ROR1: variants seen among roughly 807,000 people sequenced by gnomAD.
ROR1 encodes ROR family WNT receptor 1.
In ROR1, 19 loss-of-function variants were observed where a neutral mutation model predicts 78.8. That is an observed-to-expected ratio of 0.24 (90% CI 0.17 to 0.35). ROR1 has a LOEUF of 0.35. Among genes scored for constraint, ROR1 ranks in the 10% least tolerant of loss-of-function variants. ROR1 has a pLI of 1.00. For missense variants in ROR1, 917 were observed against 1,177.8 expected, an observed-to-expected ratio of 0.78 and a Z score of 3.24; for synonymous variants, 386 against 433.6, an observed-to-expected ratio of 0.89 and a Z score of 1.36.
At chr1:64,127,021 C>T (rs752478540) in intron 4 of ROR1, among the ~76,000 whole-genome samples, 1 of 152,076 alleles carries the variant, frequency 6.6e-6, no homozygotes, top group African/African-American at 2.4e-5. Context: ...AACCTAGCAC[C>T]TTTTTTCAAG....
chr1:63,797,564 A>C (rs1644768917), intron 1 of ROR1, among the ~76,000 whole-genome samples: 1 of 152,240 alleles, frequency 6.6e-6, no homozygotes, highest in Non-Finnish European at 1.5e-5. Context: ...GCTCAAGGTC[A>C]AACAATTAGT....
intron 1 of ROR1, among the ~76,000 whole-genome samples, chr1:63,865,624 T>C (rs1302351619): frequency 1.3e-5 from 2 of 152,146 alleles, no homozygotes; most frequent in Non-Finnish European, 2.9e-5. Context: ...AGGTCAGGCA[T>C]GTTTATATGT....
chr1:64,174,042 A>G (rs1231295688), intron 8 of ROR1, among the ~76,000 whole-genome samples: 1 of 152,058 alleles, frequency 6.6e-6, no homozygotes, highest in Non-Finnish European at 1.5e-5. Context: ...AAAGTTAAAC[A>G]CTCTGCAACT....
intron 1 of ROR1, among the ~76,000 whole-genome samples, chr1:64,007,030 G>GA (rs150220538): frequency 0.034 from 4,975 of 147,922 alleles, 249 homozygotes; most frequent in African/African-American, 0.11. Context: ...GAGGTAAGGT[G>GA]AAAAAAAAAA....
chr1:64,178,562 C>T lies in ROR1; in HGVS notation c.2521C>T (p.Pro841Ser). The stretch of plus-strand genomic sequence containing the variant: ...AGCTGCCCACTACCAGCCAACAGGT[C>T]CTCCCAGAGTGATTCAGCACTGCCC... ...FPAAHYQPTG[P>S]PRVIQHCPPP... The change falls in exon 9 of 9, where the codon CCT becomes TCT. Residue 841 changes from proline (P) to serine (S), a missense_variant. By Grantham distance (74) the Pro-to-Ser change is moderately conservative (BLOSUM62 -1). Around this residue, in one of 3 missense-constraint regions of ROR1, gnomAD observed 835 missense variants for 1,069.8 expected, o/e 0.78. Transcript: ENST00000371079. This position sits in a 1 kb window ranked among gnomAD's most constrained non-coding sequence, Gnocchi z 4.3. The T allele has an allele frequency of 1.2e-6, 2 of 1,614,182 alleles. No individual in the cohort carries two copies. Among genetic ancestry groups the T allele is most frequent in the Non-Finnish European group, 1.7e-6 (2 of 1,180,038 alleles).
At chr1:63,952,210 G>A (rs1645945456) in intron 1 of ROR1, among the ~76,000 whole-genome samples, 6 of 152,184 alleles carry the variant, frequency 3.9e-5, no homozygotes. Flanking sequence ...GAGGAGGTGA[G>A]AGAGTGGGCC....
intron 1 of ROR1, among the ~76,000 whole-genome samples, chr1:63,786,240 C>CGCTGG (rs1557495501): frequency 3.4e-5 from 5 of 145,530 alleles, no homozygotes; most frequent in Admixed American, 7.0e-5. Flanking sequence ...TCCCCCCTTA[C>CGCTGG]GCTGGCTACA....
At chr1:63,980,499 G>A (rs1301324325) in intron 1 of ROR1, among the ~76,000 whole-genome samples, 1 of 152,172 alleles carries the variant, frequency 6.6e-6, no homozygotes, top group Non-Finnish European at 1.5e-5. Flanking sequence ...TTCCGAGTTT[G>A]AGGACTTACT....
intron 1 of ROR1, among the ~76,000 whole-genome samples, chr1:63,935,860 G>T (rs11208321): frequency 0.023 from 3,508 of 152,296 alleles, 144 homozygotes; most frequent in African/African-American, 0.08. Context: ...CATATTGCAG[G>T]TAGCATTACA....
At chr1:64,162,913 C>T (rs964990780) in intron 8 of ROR1, among the ~76,000 whole-genome samples, 8 of 151,996 alleles carry the variant, frequency 5.3e-5, no homozygotes, top group African/African-American at 1.7e-4. Context: ...CCAGGTATGA[C>T]TCTGGAAAAC....
rs1217534536 is a variant in ROR1 at position 64,166,179 on chromosome 1, G to A, written c.1386+6987G>A. Reference sequence around the variant, plus strand: ...TTTGTTAAAGATCAGGTAGTTGTAGGTGTGCAATCTAATTTCCGAGTTCTC... The same window carrying A: ...TTTGTTAAAGATCAGGTAGTTGTAGATGTGCAATCTAATTTCCGAGTTCTC... On this transcript the variant is annotated intron_variant, in intron 8 of 8. Transcript: ENST00000371079. 3.9e-5 allele frequency among the ~76,000 whole-genome samples: 6 copies of A among 152,108 alleles called. No individual in the cohort carries two copies. The East Asian group carries it at 1.2e-3, about 29-fold the overall frequency.
intron 1 of ROR1, among the ~76,000 whole-genome samples, chr1:63,870,591 A>G (rs758018425): frequency 6.6e-6 from 1 of 152,186 alleles, no homozygotes; most frequent in Admixed American, 6.6e-5. Flanking sequence ...TATTAATAGT[A>G]ACTAAACACC....
At chr1:63,893,134 T>G (rs1245092026) in intron 1 of ROR1, among the ~76,000 whole-genome samples, 1 of 152,110 alleles carries the variant, frequency 6.6e-6, no homozygotes, top group African/African-American at 2.4e-5. Context: ...TTGTGCATGT[T>G]TCTTCGAGGG....
At chr1:64,163,677 C>G (rs1650009336) in intron 8 of ROR1, among the ~76,000 whole-genome samples, 1 of 152,196 alleles carries the variant, frequency 6.6e-6, no homozygotes, top group African/African-American at 2.4e-5. Flanking sequence ...CAATTCATCT[C>G]TCCGTTTTCC....
At chr1:64,065,376 T>G (rs1646948217) in intron 4 of ROR1, among the ~76,000 whole-genome samples, 1 of 152,170 alleles carries the variant, frequency 6.6e-6, no homozygotes, top group Non-Finnish European at 1.5e-5. Context: ...AATTACAAAT[T>G]TAGTCACCTT....
At chr1:63,844,936 T>C (rs1024985756) in intron 1 of ROR1, among the ~76,000 whole-genome samples, 1 of 152,184 alleles carries the variant, frequency 6.6e-6, no homozygotes, top group Non-Finnish European at 1.5e-5. Context: ...TTAAATTGTC[T>C]CTGCAGCAGA....
At chr1:63,871,184 G>A (rs1645249402) in intron 1 of ROR1, among the ~76,000 whole-genome samples, 1 of 152,198 alleles carries the variant, frequency 6.6e-6, no homozygotes, top group Non-Finnish European at 1.5e-5. Context: ...TTAGGTAGTA[G>A]TGGAGTCTGT....
chr1:64,046,431 TTCTTTTGTTCTC>T (rs1646786014), intron 2 of ROR1, among the ~76,000 whole-genome samples: 2 of 152,240 alleles, frequency 1.3e-5, no homozygotes, highest in African/African-American at 4.8e-5. Flanking sequence ...CTATTTACAT[TTCTTTTGTTCTC>T]TCTGGAAACA....
At position 64,179,866 on chromosome 1, in the gene ROR1, A is replaced by G. The variant is rs946525453; in HGVS notation, c.*1011A>G. The G allele has an allele frequency of 2.6e-5, 4 of 152,194 alleles. No individual in the cohort carries two copies. The highest frequency in any genetic ancestry group is 4.4e-5 in the Non-Finnish European group (3 of 68,032). 9.4% of individuals were successfully genotyped at this position (152,194 alleles called of 1,614,324 possible). A position where few individuals can be genotyped will look rare whatever the true frequency, so the allele number is the denominator to read the frequency against. On this transcript the variant is annotated 3_prime_UTR_variant, in exon 9 of 9. Transcript: ENST00000371079. ...GGAGTGCTTATGGTCAATGGGCTCT[A>G]GGGAAGTAGGAAACTCCATCATGAT...
Sources: gnomAD v4.1 joint callset for allele counts (sites outside exome capture counted in the v4.1 genomes callset) on GRCh38, gnomAD v4.1.1 for gene constraint, gnomAD v4.1.1 regional missense constraint, Gnocchi (gnomAD v3.1) non-coding constraint, MANE v1.5 for transcripts, NCBI Gene and HGNC (gene_info 2026-07-23, HGNC 2026-07-21) for gene names.